Variants in GRID1 observed in about 807,000 individuals in gnomAD.
GRID1 encodes the protein glutamate receptor ionotropic, delta-1.
Under a neutral mutation model 98.0 loss-of-function variants are expected in GRID1, and 28 were observed. The ratio of observed to expected loss-of-function variants is 0.29; its 90% CI spans 0.21 to 0.39. The LOEUF is 0.39. GRID1 is among the 10% of genes least tolerant of loss of function. GRID1 has a pLI of 1.00. For missense variants in GRID1, 1,111 were observed against 1,340.5 expected, an observed-to-expected ratio of 0.83 and a Z score of 2.67; for synonymous variants, 553 against 538.5, an observed-to-expected ratio of 1.03 and a Z score of -0.37.
chr10:85,609,471 A>G (rs1321979208), intron 15 of GRID1, among the ~76,000 whole-genome samples: 1 of 152,260 alleles, frequency 6.6e-6, no homozygotes, highest in Non-Finnish European at 1.5e-5. Flanking sequence ...AAAAATGTGC[A>G]GACTGGCAAA....
intron 8 of GRID1, among the ~76,000 whole-genome samples, chr10:85,761,077 C>A (rs1019254885): frequency 6.6e-6 from 1 of 152,204 alleles, no homozygotes; most frequent in Non-Finnish European, 1.5e-5. Flanking sequence ...AACAAAAAGG[C>A]TCTGAGCTCA....
At chr10:86,125,106 G>A (rs982620115) in intron 4 of GRID1, among the ~76,000 whole-genome samples, 5 of 152,228 alleles carry the variant, frequency 3.3e-5, no homozygotes, top group African/African-American at 1.2e-4. Context: ...GCATGGACAG[G>A]CTCCCTGGAC....
intron 2 of GRID1, among the ~76,000 whole-genome samples, chr10:86,311,575 C>G (rs1465067157): frequency 6.8e-6 from 1 of 146,592 alleles, no homozygotes; most frequent in African/African-American, 2.6e-5. Context: ...TGCAGGGGCT[C>G]CTGAGAACAC....
At chr10:86,348,242 A>G (rs537022429) in intron 2 of GRID1, among the ~76,000 whole-genome samples, 1 of 152,330 alleles carries the variant, frequency 6.6e-6, no homozygotes, top group African/African-American at 2.4e-5. Flanking sequence ...GGGAGTCCCA[A>G]GATGAGGAGT....
intron 12 of GRID1, among the ~76,000 whole-genome samples, chr10:85,654,143 TC>T (rs137977058): frequency 0.019 from 2,909 of 152,198 alleles, 44 homozygotes; most frequent in East Asian, 0.057. Context: ...GAGCCCTTCT[TC>T]AAACCTATGC....
intron 4 of GRID1, among the ~76,000 whole-genome samples, chr10:85,988,900 G>GAGTCACAC (rs1842644070): frequency 6.6e-6 from 1 of 152,256 alleles, no homozygotes. Flanking sequence ...CAGAGTCACA[G>GAGTCACAC]ATCCCTAGAA....
chr10:86,163,275 CT>C (rs1845347951), intron 3 of GRID1, among the ~76,000 whole-genome samples: 1 of 152,214 alleles, frequency 6.6e-6, no homozygotes, highest in Non-Finnish European at 1.5e-5. Flanking sequence ...TGCCAGCTGT[CT>C]CCATCAAGCC....
chr10:86,093,294 C>T (rs1013657604), intron 4 of GRID1, among the ~76,000 whole-genome samples: 3 of 150,560 alleles, frequency 2.0e-5, no homozygotes, highest in African/African-American at 4.9e-5. Flanking sequence ...AGAGCACAGA[C>T]AATCTAAGGT....
intron 3 of GRID1, among the ~76,000 whole-genome samples, chr10:86,167,297 G>A (rs1320588684): frequency 6.6e-6 from 1 of 152,234 alleles, no homozygotes; most frequent in Non-Finnish European, 1.5e-5. Context: ...TCAGGGAGAA[G>A]GGGCCACAGA....
At chr10:86,122,180 G>A (rs1178835119) in intron 4 of GRID1, among the ~76,000 whole-genome samples, 1 of 152,220 alleles carries the variant, frequency 6.6e-6, no homozygotes, top group African/African-American at 2.4e-5. Flanking sequence ...ACAGCCTTGG[G>A]AGTAAGCAGG....
intron 4 of GRID1, among the ~76,000 whole-genome samples, chr10:85,977,798 C>A (rs1219824647): frequency 2.0e-5 from 3 of 150,578 alleles, no homozygotes; most frequent in Admixed American, 6.6e-5. Context: ...GACCTCCCCG[C>A]CGACCCAGTG....
intron 12 of GRID1, among the ~76,000 whole-genome samples, chr10:85,694,368 G>T (rs1299710714): frequency 6.6e-6 from 1 of 151,798 alleles, no homozygotes; most frequent in Non-Finnish European, 1.5e-5. Context: ...ACTGTATGGA[G>T]ATTTCTCAAA....
intron 4 of GRID1, among the ~76,000 whole-genome samples, chr10:86,105,708 C>G (rs185508204): frequency 6.6e-6 from 1 of 152,188 alleles, no homozygotes; most frequent in African/African-American, 2.4e-5. Context: ...TGCCATCCCC[C>G]CTCTCCAGCA....
intron 3 of GRID1, among the ~76,000 whole-genome samples, chr10:86,172,309 C>T (rs188073284): frequency 2.6e-5 from 4 of 152,278 alleles, no homozygotes; most frequent in Non-Finnish European, 4.4e-5. Context: ...CAAGGTTCAT[C>T]GCTACCCTAG....
chr10:86,111,597 A>G (rs1473364336), intron 4 of GRID1, among the ~76,000 whole-genome samples: 2 of 152,234 alleles, frequency 1.3e-5, no homozygotes, highest in African/African-American at 4.8e-5. Context: ...CTCACTTAAC[A>G]GGTGGAATAT....
chr10:85,645,309 G>C (rs1006703954), intron 13 of GRID1, among the ~76,000 whole-genome samples: 3 of 152,154 alleles, frequency 2.0e-5, no homozygotes, highest in African/African-American at 7.2e-5. Context: ...TGCACAAAAG[G>C]CCTTAAATCA....
At chr10:86,244,630 G>A (rs1463429480) in intron 2 of GRID1, among the ~76,000 whole-genome samples, 1 of 152,220 alleles carries the variant, frequency 6.6e-6, no homozygotes, top group East Asian at 1.9e-4. Flanking sequence ...GGCTCCAGCG[G>A]CGAACACAAG....
chr10:85,844,198 TATATA>T (rs1842985280), intron 8 of GRID1, among the ~76,000 whole-genome samples: 1 of 152,082 alleles, frequency 6.6e-6, no homozygotes, highest in African/African-American at 2.4e-5. Context: ...TGATTCAACA[TATATA>T]ATATTTTTTA....
chr10:85,669,378 T>G (rs753879257), intron 12 of GRID1, among the ~76,000 whole-genome samples: 21 of 152,160 alleles, frequency 1.4e-4, no homozygotes, highest in Admixed American at 1.3e-3. Flanking sequence ...AGGAGTGAAC[T>G]GGGAATCTGA....
Sources: allele counts gnomAD v4.1 joint callset (sites outside exome capture counted in the v4.1 genomes callset), GRCh38; gene constraint gnomAD v4.1.1; transcripts MANE v1.5; gene names NCBI Gene and HGNC (gene_info 2026-07-23, HGNC 2026-07-21).